STIM1: variants seen among roughly 807,000 people sequenced by gnomAD.
STIM1 encodes the protein stromal interaction molecule 1.
In STIM1, 25 loss-of-function variants were observed where a neutral mutation model predicts 74.7. The observed-to-expected ratio is 0.33, with a 90% confidence interval of 0.24 to 0.47. STIM1 has a LOEUF of 0.47. STIM1 is among the 20% of genes least tolerant of loss of function. The pLI is 1.00. For synonymous variants in STIM1, 328 were observed against 348.8 expected, an observed-to-expected ratio of 0.94 and a Z score of 0.66; for missense variants, 728 against 920.8, an observed-to-expected ratio of 0.79 and a Z score of 2.71.
intron 3 of STIM1, among the ~76,000 whole-genome samples, chr11:4,038,680 G>A (rs773673788): frequency 2.0e-5 from 3 of 152,094 alleles, no homozygotes; most frequent in Non-Finnish European, 4.4e-5. Flanking sequence ...TCCATCTCTG[G>A]TACTTCAGCT....
chr11:3,898,792 T>G (rs1020515471), intron 1 of STIM1, among the ~76,000 whole-genome samples: 4 of 142,144 alleles, frequency 2.8e-5, no homozygotes, highest in Non-Finnish European at 6.2e-5. Context: ...CCATTGCTTG[T>G]TTTTCTCAGG....
chr11:4,010,256 C>T lies in STIM1; in HGVS notation c.271-13617C>T, dbSNP rs530518610. ...CATGATCTCGACTCACTACAACCTC[C>T]GCCTTCCAGGTTTAAGCAATTGTTG... is the stretch of plus-strand genomic sequence containing the variant. On this transcript the variant is annotated intron_variant, in intron 2 of 12. Coordinates refer to ENST00000526596, the MANE Select transcript of STIM1 (RefSeq NM_001382567.1). Among the ~76,000 whole-genome samples, 6 of 151,372 alleles carry T rather than the reference C, an allele frequency of 4.0e-5. No individual in the cohort carries two copies. The South Asian group carries it at 8.4e-4, about 21-fold the overall frequency.
intron 1 of STIM1, among the ~76,000 whole-genome samples, chr11:3,924,910 CCT>C: frequency 6.6e-6 from 1 of 152,116 alleles, no homozygotes; most frequent in Non-Finnish European, 1.5e-5. Context: ...AAAGACAGTT[CCT>C]TTTTTATTTC....
chr11:4,063,957 T>G lies in STIM1; in HGVS notation c.613+4561T>G, dbSNP rs559364958. Among the ~76,000 whole-genome samples the G allele has an allele frequency of 2.0e-5, 3 of 152,304 alleles. No individual in the cohort carries two copies. In the East Asian group the frequency reaches 5.8e-4, roughly 29 times the overall value. On this transcript the variant is annotated intron_variant, in intron 5 of 12. Transcript: ENST00000526596. ...TCCTTCCTGGTGTCTGCATCCTGTA[T>G]TTTTAGGACTTCTGTGCTTGGTCCT... is the stretch of plus-strand genomic sequence containing the variant.
intron 5 of STIM1, among the ~76,000 whole-genome samples, chr11:4,065,037 G>T (rs889266752): frequency 2.0e-5 from 3 of 152,168 alleles, no homozygotes; most frequent in Non-Finnish European, 2.9e-5. Flanking sequence ...AAGGTTCTCT[G>T]TGCCCCAATT....
chr11:4,087,327 G>T (rs1333991539), intron 12 of STIM1, among the ~76,000 whole-genome samples: 1 of 152,226 alleles, frequency 6.6e-6, no homozygotes, highest in Non-Finnish European at 1.5e-5. Flanking sequence ...CTATGGGGGT[G>T]TTGAGGAAGG....
intron 1 of STIM1, among the ~76,000 whole-genome samples, chr11:3,886,980 C>A (rs1158313760): frequency 6.7e-6 from 1 of 149,924 alleles, no homozygotes; most frequent in Admixed American, 6.7e-5. Flanking sequence ...TCCAGCCTGG[C>A]GACAGAGCAA....
chr11:3,869,109 C>T (rs1379745857), intron 1 of STIM1, among the ~76,000 whole-genome samples: 1 of 152,158 alleles, frequency 6.6e-6, no homozygotes, highest in Non-Finnish European at 1.5e-5. Flanking sequence ...GCGGGGACTA[C>T]AGGCGCCAGC....
intron 1 of STIM1, among the ~76,000 whole-genome samples, chr11:3,923,508 C>CGGGGT (rs2092746832): frequency 6.6e-6 from 1 of 150,642 alleles, no homozygotes; most frequent in African/African-American, 2.5e-5. Context: ...ACTTGGGAGG[C>CGGGGT]TGAGGCATGA....
At position 3,956,851 on chromosome 11, in the gene STIM1, A is replaced by AG. The variant is rs1431271402; in HGVS notation, c.140-10700dup. Reference sequence around the variant, plus strand: ...AAAAAAAAAAAAAAAAAAAAAAAAAAGTCAGAGAGGAGAAACCTACCTTGC... The same window carrying AG: ...AAAAAAAAAAAAAAAAAAAAAAAAAAGGTCAGAGAGGAGAAACCTACCTTGC... On this transcript the variant is annotated intron_variant, in intron 1 of 12. Coordinates refer to ENST00000526596, the MANE Select transcript of STIM1 (RefSeq NM_001382567.1). Among the ~76,000 whole-genome samples, 34 of 146,944 alleles carry AG rather than the reference A, an allele frequency of 2.3e-4. 1 individual carries two copies. The South Asian group carries it at 3.5e-3, about 15-fold the overall frequency.
chr11:4,052,272 G>T (rs1026438116), intron 3 of STIM1, among the ~76,000 whole-genome samples: 2 of 151,858 alleles, frequency 1.3e-5, no homozygotes, highest in Admixed American at 1.3e-4. Context: ...AGTTCATATG[G>T]AACCAAAAAA....
intron 1 of STIM1, among the ~76,000 whole-genome samples, chr11:3,895,606 C>CTCTCTTTCTCTTTCTTTCTTTCTT (rs1216875964): frequency 3.0e-5 from 2 of 66,454 alleles, no homozygotes; most frequent in Admixed American, 1.5e-4. Context: ...CTTTCTTTCT[C>CTCTCTTTCTCTTTCTTTCTTTCTT]TCTCTTTCTT....
At chr11:3,912,300 T>A (rs1434244148) in intron 1 of STIM1, among the ~76,000 whole-genome samples, 1 of 149,026 alleles carries the variant, frequency 6.7e-6, no homozygotes, top group Non-Finnish European at 1.5e-5. Flanking sequence ...CTCTTTCTTT[T>A]TTTCCAAGCT....
intron 2 of STIM1, among the ~76,000 whole-genome samples, chr11:4,019,491 TA>T: frequency 6.6e-6 from 1 of 152,018 alleles, no homozygotes; most frequent in Non-Finnish European, 1.5e-5. Context: ...TTGGGAAACA[TA>T]GTGAGACACC....
chr11:3,973,414 T>C (rs1043721549), intron 2 of STIM1: 11 of 383,498 alleles, frequency 2.9e-5, no homozygotes, highest in African/African-American at 2.1e-4. Flanking sequence ...TTTTTTTTTC[T>C]CTCGAGACAA....
intron 7 of STIM1, among the ~76,000 whole-genome samples, chr11:4,078,414 C>T (rs1301971393): frequency 1.3e-5 from 2 of 152,094 alleles, no homozygotes; most frequent in Non-Finnish European, 2.9e-5. Context: ...CTACATGGGT[C>T]CAGCCCAATT....
At chr11:3,924,621 T>C (rs2092765716) in intron 1 of STIM1, among the ~76,000 whole-genome samples, 4 of 152,212 alleles carry the variant, frequency 2.6e-5, no homozygotes, top group Admixed American at 2.6e-4. Context: ...CAATGAAGCC[T>C]TGTAGTACTC....
intron 4 of STIM1, 32 bp downstream of exon 4, chr11:4,055,669 G>GGGTAC: frequency 6.5e-7 from 1 of 1,526,770 alleles, no homozygotes; most frequent in African/African-American, 1.4e-5. Flanking sequence ...TCTCTGTTGA[G>GGGTAC]GGTACGGGGA....
chr11:3,984,186 A>G (rs2093536030), intron 2 of STIM1, among the ~76,000 whole-genome samples: 1 of 152,088 alleles, frequency 6.6e-6, no homozygotes, highest in South Asian at 2.1e-4. Flanking sequence ...TTCTTAAAAA[A>G]ATTTACTATA....
Sources: gnomAD v4.1 joint callset for allele counts (sites outside exome capture counted in the v4.1 genomes callset) on GRCh38, gnomAD v4.1.1 for gene constraint, MANE v1.5 for transcripts, NCBI Gene and HGNC (gene_info 2026-07-23, HGNC 2026-07-21) for gene names.